The following PROS1 variants were observed in gnomAD, a reference collection of about 807,000 sequenced individuals.
PROS1 encodes the protein protein S.
A neutral mutation model predicts 75.9 loss-of-function variants in PROS1; 29 were observed. The observed-to-expected ratio is 0.38, with a 90% confidence interval of 0.28 to 0.52. The LOEUF is 0.52. Ranked by LOEUF, PROS1 falls within the 20% of genes least tolerant of loss-of-function variation. The pLI is 0.83. For missense variants in PROS1, 680 were observed against 810.3 expected (o/e 0.84, Z 1.95); for synonymous variants, 245 against 280.6 (o/e 0.87, Z 1.27).
intron 1 of PROS1, among the ~76,000 whole-genome samples, chr3:93,950,659 A>G (rs1388305114): frequency 6.6e-6 from 1 of 152,344 alleles, no homozygotes; most frequent in Non-Finnish European, 1.5e-5. Context: ...CAGAAAAGAC[A>G]TTCACACCAA....
chr3:93,888,426 A>G (rs1179064654), intron 10 of PROS1, among the ~76,000 whole-genome samples: 1 of 152,166 alleles, frequency 6.6e-6, no homozygotes, highest in Non-Finnish European at 1.5e-5. Context: ...TTATTTATCC[A>G]TATTAATATA....
At chr3:93,942,078 C>T (rs1486244664) in intron 1 of PROS1, among the ~76,000 whole-genome samples, 2 of 152,248 alleles carry the variant, frequency 1.3e-5, no homozygotes, top group East Asian at 3.9e-4. Context: ...TCCTTCTTTC[C>T]TGTTCCTCAC....
At chr3:93,952,654 G>A (rs1464388085) in intron 1 of PROS1, among the ~76,000 whole-genome samples, 1 of 152,006 alleles carries the variant, frequency 6.6e-6, no homozygotes, top group South Asian at 2.1e-4. Context: ...CACCCTAACA[G>A]CACAACTAAA....
At chr3:93,913,699 A>G (rs1259660154) in intron 3 of PROS1, among the ~76,000 whole-genome samples, 1 of 152,204 alleles carries the variant, frequency 6.6e-6, no homozygotes, top group Non-Finnish European at 1.5e-5. Context: ...AGTCTTGGGT[A>G]TGTCTTTATA....
At chr3:93,935,049 C>T (rs1021605548) in intron 1 of PROS1, among the ~76,000 whole-genome samples, 2 of 152,042 alleles carry the variant, frequency 1.3e-5, no homozygotes, top group Non-Finnish European at 2.9e-5. Context: ...TATCTTTACT[C>T]GAATGATAGA....
chr3:93,917,471 C>G lies in PROS1; in HGVS notation c.260-6766G>C, dbSNP rs138625242. Among the ~76,000 whole-genome samples the G allele has an allele frequency of 7.0e-3, 1,061 of 152,308 alleles. 9 individuals carry two copies. The highest frequency in any genetic ancestry group is 0.024 in the African/African-American group (997 of 41,582). ...GCGTGCTGGCAGCCCTTGCAGCCCTCGCTGCTCTGGGCACCTTTTCTGCCT... is the reference window on the plus strand; with the variant it reads ...GCGTGCTGGCAGCCCTTGCAGCCCTGGCTGCTCTGGGCACCTTTTCTGCCT... On this transcript the variant is annotated intron_variant, in intron 3 of 14. Coordinates refer to ENST00000394236, the MANE Select transcript of PROS1 (RefSeq NM_000313.4).
intron 1 of PROS1, among the ~76,000 whole-genome samples, chr3:93,960,176 C>CTTTTTTTTT (rs997640046): frequency 1.4e-5 from 2 of 139,016 alleles, no homozygotes; most frequent in African/African-American, 2.6e-5. Flanking sequence ...GCGTTTGTCA[C>CTTTTTTTTT]TTTTTTTTTT....
rs576999540 is a variant in PROS1 at position 93,940,438 on chromosome 3, C to T, written c.77-13031G>A. ...TCTTTTCAAGGGCGTGTTTCCCTTG[C>T]CTCCATAACTGTTGTGGGTACTGAC... On this transcript the variant is annotated intron_variant, in intron 1 of 14. Transcript: ENST00000394236. 9.9e-5 allele frequency among the ~76,000 whole-genome samples: 15 copies of T among 152,264 alleles called. No individual in the cohort carries two copies. In the East Asian group the frequency reaches 2.3e-3, roughly 23 times the overall value.
chr3:93,901,058 C>T, intron 6 of PROS1, 129 bp from the exon 7 acceptor site: 1 of 929,898 alleles, frequency 1.1e-6, no homozygotes, highest in Non-Finnish European at 1.6e-6. Flanking sequence ...GCCTTTGGAC[C>T]AAAAAACATT....
rs529525034 is a variant in PROS1 at position 93,892,040 on chromosome 3, G to A, written c.1155+893C>T. On this transcript the variant is annotated intron_variant, in intron 10 of 14. Transcript: ENST00000394236. ...GATCAGTGTTGTCTTTGCATAAATT[G>A]TTATGCCAGCCGGGTGTGGTTGCTC... is the stretch of plus-strand genomic sequence containing the variant. Among the ~76,000 whole-genome samples the A allele has an allele frequency of 3.9e-4, 60 of 152,162 alleles. 1 individual carries two copies. The highest frequency in any genetic ancestry group is 3.7e-3 in the Admixed American group (56 of 15,272).
At chr3:93,937,949 G>T (rs772906326) in intron 1 of PROS1, among the ~76,000 whole-genome samples, 1 of 152,114 alleles carries the variant, frequency 6.6e-6, no homozygotes, top group African/African-American at 2.4e-5. Context: ...CTTTAACACA[G>T]CTTTAGCAGG....
At chr3:93,965,101 G>C (rs767276975) in intron 1 of PROS1, among the ~76,000 whole-genome samples, 2 of 152,198 alleles carry the variant, frequency 1.3e-5, no homozygotes, top group African/African-American at 2.4e-5. Flanking sequence ...CAGCGGGAGG[G>C]ACAAGGATCG....
intron 3 of PROS1, among the ~76,000 whole-genome samples, chr3:93,921,780 T>C (rs966472867): frequency 2.0e-5 from 3 of 152,206 alleles, no homozygotes; most frequent in African/African-American, 7.2e-5. Context: ...CTCTTTTTTG[T>C]TTTTCCTTGA....
Position 93,910,652 on chromosome 3 carries a change from T to C in PROS1, c.313A>G (p.Asn105Asp). ...GLFTAARQSTNAYPDLRSCVN... is the reference protein window; with the variant it reads ...GLFTAARQSTDAYPDLRSCVN... The stretch of plus-strand genomic sequence containing the variant: ...CAGCTTCTTAGGTCAGGATAAGCAT[T>C]AGTTGACTGACGTGCAGCAGTGAAT... Residue 105 changes from asparagine (N) to aspartate (D), a missense_variant, in exon 4 of 15, where the codon AAT (asparagine) becomes GAT (aspartate). Coordinates refer to ENST00000394236, the MANE Select transcript of PROS1 (RefSeq NM_000313.4). The C allele has an allele frequency of 6.2e-7, 1 of 1,613,706 alleles. No individual in the cohort carries two copies. Among genetic ancestry groups the C allele is most frequent in the Non-Finnish European group, 8.5e-7 (1 of 1,179,718 alleles).
chr3:93,937,135 T>C (rs1269585146), intron 1 of PROS1, among the ~76,000 whole-genome samples: 1 of 152,128 alleles, frequency 6.6e-6, no homozygotes, highest in Non-Finnish European at 1.5e-5. Flanking sequence ...AGCAAGCTAC[T>C]GCCTTAAAAT....
chr3:93,965,898 T>C (rs904000302), intron 1 of PROS1, among the ~76,000 whole-genome samples: 1 of 152,132 alleles, frequency 6.6e-6, no homozygotes, highest in African/African-American at 2.4e-5. Flanking sequence ...TTTCATCATG[T>C]TGGCCAGACT....
At chr3:93,963,940 G>A (rs1709746840) in intron 1 of PROS1, among the ~76,000 whole-genome samples, 1 of 152,160 alleles carries the variant, frequency 6.6e-6, no homozygotes, top group African/African-American at 2.4e-5. Context: ...GACCCTGAAT[G>A]GAGGGACCGG....
chr3:93,896,510 C>G, intron 9 of PROS1, 66 bp downstream of exon 9: 2 of 1,185,020 alleles, frequency 1.7e-6, no homozygotes, highest in Middle Eastern at 3.8e-4. Context: ...CAAACCTTTT[C>G]GGCCACTTTT....
intron 12 of PROS1, among the ~76,000 whole-genome samples, chr3:93,882,912 A>G (rs1445424006): frequency 1.1e-4 from 17 of 152,336 alleles, no homozygotes; most frequent in South Asian, 6.2e-4. Flanking sequence ...GAAAGGCAGC[A>G]AACCTTGTCA....
Sources: gnomAD v4.1 joint callset for allele counts (sites outside exome capture counted in the v4.1 genomes callset) on GRCh38, gnomAD v4.1.1 for gene constraint, MANE v1.5 for transcripts, NCBI Gene and HGNC (gene_info 2026-07-23, HGNC 2026-07-21) for gene names.